The following PJA2 variants were observed in gnomAD, a reference collection of about 807,000 sequenced individuals.
PJA2 encodes the protein E3 ubiquitin-protein ligase Praja-2.
Under a neutral mutation model 69.3 loss-of-function variants are expected in PJA2, and 25 were observed. The ratio of observed to expected loss-of-function variants is 0.36; its 90% CI spans 0.26 to 0.50. PJA2 has a LOEUF of 0.50. Ranked by LOEUF, PJA2 falls within the 20% of genes least tolerant of loss-of-function variation. The probability of loss-of-function intolerance (pLI) is 0.96; values close to 1 mark genes in which losing one functional copy is unlikely to be tolerated. For missense variants in PJA2, 809 were observed against 830.2 expected (o/e 0.97, Z 0.31); for synonymous variants, 308 against 277.8 (o/e 1.11, Z -1.08).
chr5:109,370,969 G>A (rs963753151), intron 4 of PJA2, among the ~76,000 whole-genome samples: 5 of 152,262 alleles, frequency 3.3e-5, no homozygotes, highest in African/African-American at 9.6e-5. Context: ...CAAGAGGAAT[G>A]TCTATGATCA....
chr5:109,352,990 T>G (rs1314658169), intron 7 of PJA2, among the ~76,000 whole-genome samples: 1 of 38,762 alleles, frequency 2.6e-5, no homozygotes, highest in Non-Finnish European at 5.5e-5. Context: ...CCTATATCTA[T>G]AGATATCTAT....
chr5:109,343,725 T>A (rs909968251), intron 9 of PJA2, among the ~76,000 whole-genome samples: 1 of 152,212 alleles, frequency 6.6e-6, no homozygotes, highest in Non-Finnish European at 1.5e-5. Flanking sequence ...TGATCTGTAA[T>A]CATTAAATGC....
At chr5:109,372,022 T>C (rs1225124341) in intron 4 of PJA2, among the ~76,000 whole-genome samples, 5 of 152,380 alleles carry the variant, frequency 3.3e-5, no homozygotes, top group East Asian at 1.9e-4. Context: ...TCAATAACTG[T>C]TAGCGAGTCT....
rs1286072642 is a variant in PJA2 at position 109,354,509 on chromosome 5, TATATCG to T, written c.1764+1400_1764+1405del. ...AGATATCTATAATATCATAGATATC[TATATCG>T]ATATTAGATATCTATAATATCTATA... On this transcript the variant is annotated intron_variant, in intron 7 of 9. Transcript: ENST00000361189. 2.6e-3 allele frequency among the ~76,000 whole-genome samples: 80 copies of T among 30,952 alleles called. 9 individuals carry two copies. Among genetic ancestry groups the T allele is most frequent in the Admixed American group, 8.0e-3 (26 of 3,250 alleles). 20.3% of individuals were successfully genotyped at this position (30,952 alleles called of 152,430 possible).
At chr5:109,344,887 G>C (rs1762148180) in intron 7 of PJA2, 68 bp from the exon 8 acceptor site, 1 of 992,020 alleles carries the variant, frequency 1.0e-6, no homozygotes, top group Non-Finnish European at 1.5e-6. Flanking sequence ...CTATTTTTAG[G>C]GTATCTCCAA....
At chr5:109,397,259 C>T (rs1747435663) in intron 1 of PJA2, among the ~76,000 whole-genome samples, 1 of 152,180 alleles carries the variant, frequency 6.6e-6, no homozygotes, top group Non-Finnish European at 1.5e-5. Context: ...ATTACCCAGT[C>T]TTAGGTATTT....
rs1057360957 is a variant in PJA2 at position 109,354,096 on chromosome 5, A to C, written c.1764+1819T>G. On this transcript the variant is annotated intron_variant, in intron 7 of 9. Coordinates refer to ENST00000361189, the MANE Select transcript of PJA2 (RefSeq NM_014819.5). ...ATCTATAGATTAGATATCTATATCT[A>C]GAGATATCTATAGATTAGATATCTA... Among the ~76,000 whole-genome samples, 11 of 106,764 alleles carry C rather than the reference A, an allele frequency of 1.0e-4. No individual in the cohort carries two copies. The South Asian group carries it at 1.5e-3, about 15-fold the overall frequency. The allele number at this position is 106,764 out of a possible 152,430, so 70.0% of individuals were successfully genotyped here.
At chr5:109,393,732 A>C (rs1747335178) in intron 1 of PJA2, among the ~76,000 whole-genome samples, 2 of 151,868 alleles carry the variant, frequency 1.3e-5, no homozygotes, top group African/African-American at 4.8e-5. Flanking sequence ...AAATGGGTGA[A>C]TATAACAGAA....
intron 1 of PJA2, among the ~76,000 whole-genome samples, chr5:109,405,916 A>C (rs576185959): frequency 3.5e-5 from 5 of 143,032 alleles, no homozygotes; most frequent in East Asian, 2.2e-4. Context: ...TTTTAAAGTT[A>C]GGAAAATAAA....
chr5:109,368,626 T>G lies in PJA2; in HGVS notation c.1404A>C (p.Glu468Asp). The G allele has an allele frequency of 6.2e-7, 1 of 1,614,144 alleles. No homozygotes were observed. The highest frequency in any genetic ancestry group is 8.5e-7 in the Non-Finnish European group (1 of 1,180,016). The change falls in exon 5 of 10, where the codon GAA becomes GAC. Residue 468 changes from glutamate to aspartate, a missense_variant. By Grantham distance (45) the Glu-to-Asp change is conservative. Around this residue, in one of 4 missense-constraint regions of PJA2, gnomAD observed 700 missense variants for 639.5 expected, o/e 1.09. Transcript: ENST00000361189. Reference protein sequence around the residue: ...WETLPGKDENEPELQSDSSGP... With the variant: ...WETLPGKDENDPELQSDSSGP... ...CACTGCTATCACTTTGTAGCTCAGG[T>G]TCATTCTCATCTTTTCCTGGCAGAG...
At chr5:109,378,162 C>T in intron 4 of PJA2, 42 bp downstream of exon 4, 2 of 1,422,612 alleles carry the variant, frequency 1.4e-6, no homozygotes, top group Non-Finnish European at 1.9e-6. Context: ...GAAACCACTT[C>T]ATTTACTACA....
intron 6 of PJA2, among the ~76,000 whole-genome samples, chr5:109,358,530 G>A (rs1455818134): frequency 6.6e-6 from 1 of 152,154 alleles, no homozygotes; most frequent in Non-Finnish European, 1.5e-5. Flanking sequence ...GCGCCACTGG[G>A]TTAGGGTCTC....
At chr5:109,379,968 TA>T (rs201537635) in intron 3 of PJA2, among the ~76,000 whole-genome samples, 24 of 148,926 alleles carry the variant, frequency 1.6e-4, no homozygotes, top group South Asian at 8.5e-4. Context: ...TCACCACTAA[TA>T]AAAAAAATGA....
intron 4 of PJA2, among the ~76,000 whole-genome samples, chr5:109,370,478 C>A (rs1429235974): frequency 6.6e-6 from 1 of 152,132 alleles, no homozygotes; most frequent in Non-Finnish European, 1.5e-5. Flanking sequence ...AAATCAACTG[C>A]CAATTTCCAG....
At chr5:109,339,595 G>A (rs1381454547) in intron 9 of PJA2, among the ~76,000 whole-genome samples, 4 of 152,296 alleles carry the variant, frequency 2.6e-5, no homozygotes, top group East Asian at 1.9e-4. Context: ...AGCCATGCTC[G>A]AAAATTTTAA....
Position 109,335,434 on chromosome 5 carries a change from G to A in PJA2, c.*1797C>T, listed in dbSNP as rs2126980980. The A allele has an allele frequency of 6.6e-6, 1 of 152,604 alleles. No individual in the cohort carries two copies. Among genetic ancestry groups the A allele is most frequent in the East Asian group, 1.9e-4 (1 of 5,194 alleles). 9.5% of individuals were successfully genotyped at this position (152,604 alleles called of 1,614,324 possible). ...CAGACAAAGAAGAAATATTTTCTTTGGGACAGCTGCTATCTAGAAGAAAAC... is the reference window on the plus strand; with the variant it reads ...CAGACAAAGAAGAAATATTTTCTTTAGGACAGCTGCTATCTAGAAGAAAAC... On this transcript the variant is annotated 3_prime_UTR_variant, in exon 10 of 10. Transcript: ENST00000361189.
intron 4 of PJA2, among the ~76,000 whole-genome samples, chr5:109,372,237 GA>G (rs1180720621): frequency 1.3e-5 from 2 of 152,208 alleles, no homozygotes; most frequent in East Asian, 3.9e-4. Flanking sequence ...AAATGTCTTT[GA>G]ATAACACTTA....
chr5:109,353,434 C>CTA (rs1201216107), intron 7 of PJA2, among the ~76,000 whole-genome samples: 2 of 47,416 alleles, frequency 4.2e-5, no homozygotes, highest in Non-Finnish European at 1.3e-4. Context: ...TATTAGATAC[C>CTA]TATATATAGA....
At chr5:109,369,785 C>G (rs934630492) in intron 4 of PJA2, among the ~76,000 whole-genome samples, 1 of 152,130 alleles carries the variant, frequency 6.6e-6, no homozygotes, top group Non-Finnish European at 1.5e-5. Flanking sequence ...TAAATCCCAG[C>G]ACTTTGGGAG....
Sources: allele counts gnomAD v4.1 joint callset (sites outside exome capture counted in the v4.1 genomes callset), GRCh38; gene constraint gnomAD v4.1.1; regional missense constraint gnomAD v4.1.1; transcripts MANE v1.5; gene names NCBI Gene and HGNC (gene_info 2026-07-23, HGNC 2026-07-21).